DCDC1: variants seen among roughly 807,000 people sequenced by gnomAD.
DCDC1 encodes doublecortin domain containing 1.
In DCDC1, 200 loss-of-function variants were observed where a neutral mutation model predicts 178.3. The ratio of observed to expected loss-of-function variants is 1.12; its 90% CI spans 1.00 to 1.26. The LOEUF (loss-of-function observed/expected upper bound fraction) is 1.26, where lower values mean the gene tolerates loss of function less well. DCDC1 is among the 50% of genes most tolerant of loss of function. The pLI is 0.00. For synonymous variants in DCDC1, 690 were observed against 604.8 expected (o/e 1.14, Z -2.07); for missense variants, 1,983 against 1,749.2 (o/e 1.13, Z -2.38).
rs1254212107 is a variant in DCDC1, at chr11:30,888,098, A to AAG, written c.5082+4719_5082+4720insCT. Among the ~76,000 whole-genome samples the AAG allele has an allele frequency of 3.7e-3, 386 of 105,392 alleles. 1 individual carries two copies. Among genetic ancestry groups the AAG allele is most frequent in the African/African-American group, 8.7e-3 (234 of 26,854 alleles). The allele number at this position is 105,392 out of a possible 152,430, so 69.1% of individuals were successfully genotyped here. On this transcript the variant is annotated intron_variant, in intron 36 of 38. Transcript: ENST00000684477. ...AGAGAGAGAGAGAAAGAAAGAAAGA[A>AAG]AAAGAAAGAAAGAAAGAAAGAAAGA... is the stretch of plus-strand genomic sequence containing the variant.
At chr11:30,974,763 C>A (rs1950008833) in intron 20 of DCDC1, among the ~76,000 whole-genome samples, 3 of 152,040 alleles carry the variant, frequency 2.0e-5, no homozygotes, top group Non-Finnish European at 4.4e-5. Flanking sequence ...GGCTTCACTG[C>A]CAAATTCTAC....
intron 13 of DCDC1, among the ~76,000 whole-genome samples, chr11:31,106,222 A>C (rs1409054583): frequency 6.6e-6 from 1 of 152,238 alleles, no homozygotes. Context: ...CTTTTGAGGA[A>C]TATAACTTTG....
chr11:31,350,719 A>T (rs558605386), intron 1 of DCDC1, among the ~76,000 whole-genome samples: 1 of 152,258 alleles, frequency 6.6e-6, no homozygotes, highest in East Asian at 1.9e-4. Context: ...TTAACAGGTA[A>T]TATGTGACAT....
At chr11:31,365,665 C>T (rs748369277) in intron 1 of DCDC1, among the ~76,000 whole-genome samples, 46 of 152,240 alleles carry the variant, frequency 3.0e-4, no homozygotes, top group Middle Eastern at 3.4e-3. Flanking sequence ...GATTTAATAA[C>T]AATGTCATTT....
At chr11:31,171,078 T>C (rs1420388855) in intron 9 of DCDC1, among the ~76,000 whole-genome samples, 1 of 152,118 alleles carries the variant, frequency 6.6e-6, no homozygotes, top group South Asian at 2.1e-4. Context: ...TCCGCCCCCC[T>C]TGGCCTCCCA....
At chr11:31,174,763 G>A (rs1244394577) in intron 9 of DCDC1, among the ~76,000 whole-genome samples, 1 of 152,120 alleles carries the variant, frequency 6.6e-6, no homozygotes, top group Non-Finnish European at 1.5e-5. Context: ...GTGGAGAGGA[G>A]CTACCCACTC....
At chr11:30,972,698 C>T (rs528451188) in intron 20 of DCDC1, among the ~76,000 whole-genome samples, 4 of 152,276 alleles carry the variant, frequency 2.6e-5, no homozygotes, top group Non-Finnish European at 5.9e-5. Context: ...AATAAGTCCT[C>T]ACATCATAAC....
chr11:31,353,071 T>C (rs112279212), intron 1 of DCDC1, among the ~76,000 whole-genome samples: 1,959 of 152,340 alleles, frequency 0.013, 22 homozygotes, highest in Middle Eastern at 0.092. Context: ...CAAACATATA[T>C]GCTGAATATA....
intron 15 of DCDC1, among the ~76,000 whole-genome samples, chr11:31,100,443 A>G (rs1341967648): frequency 6.6e-6 from 1 of 152,204 alleles, no homozygotes; most frequent in East Asian, 1.9e-4. Flanking sequence ...CACAAACTCA[A>G]CAACAATTTT....
chr11:30,889,678 T>C (rs1245227695), intron 36 of DCDC1, among the ~76,000 whole-genome samples: 2 of 152,116 alleles, frequency 1.3e-5, no homozygotes, highest in Non-Finnish European at 2.9e-5. Context: ...AAGACAAAAA[T>C]ACACAGCATG....
chr11:31,110,761 T>G (rs1259066743), intron 11 of DCDC1, among the ~76,000 whole-genome samples: 1 of 152,016 alleles, frequency 6.6e-6, no homozygotes, highest in East Asian at 1.9e-4. Flanking sequence ...TTGTTCTTCA[T>G]AAAGCCACAA....
At chr11:31,210,597 G>A (rs1972394597) in intron 9 of DCDC1, among the ~76,000 whole-genome samples, 1 of 151,834 alleles carries the variant, frequency 6.6e-6, no homozygotes, top group South Asian at 2.1e-4. Flanking sequence ...TGTAATCCCA[G>A]CTACTCAGGA....
chr11:31,137,191 C>T lies in DCDC1; in HGVS notation c.1314+501G>A, dbSNP rs147747523. ...TCAGAAAATTATATTTTGATTTATTCTTTCAAGTATACAATTACTTTTCAT... is the reference window on the plus strand; with the variant it reads ...TCAGAAAATTATATTTTGATTTATTTTTTCAAGTATACAATTACTTTTCAT... On this transcript the variant is annotated intron_variant, in intron 10 of 38. Coordinates refer to ENST00000684477, the MANE Select transcript of DCDC1 (RefSeq NM_001387274.1). 6.0e-3 allele frequency among the ~76,000 whole-genome samples: 909 copies of T among 152,042 alleles called. 7 individuals are homozygous for T. Among genetic ancestry groups the T allele is most frequent in the African/African-American group, 0.021 (868 of 41,490 alleles).
chr11:30,892,784 G>C, intron 36 of DCDC1, 34 bp downstream of exon 36: 1 of 1,611,304 alleles, frequency 6.2e-7, no homozygotes, highest in Non-Finnish European at 8.5e-7. Flanking sequence ...TTCAAACTCA[G>C]GCCTATGAAA....
At chr11:31,244,407 CTTA>C (rs1277778463) in intron 8 of DCDC1, among the ~76,000 whole-genome samples, 1 of 151,524 alleles carries the variant, frequency 6.6e-6, no homozygotes, top group Non-Finnish European at 1.5e-5. Flanking sequence ...CTCTTTTTCC[CTTA>C]TTATTTTTGT....
intron 5 of DCDC1, 100 bp from the exon 6 acceptor site, chr11:31,305,877 T>C: frequency 7.5e-7 from 1 of 1,339,950 alleles, no homozygotes; most frequent in Non-Finnish European, 1.0e-6. Flanking sequence ...AGAAACCCAA[T>C]TGAGTCACTT....
chr11:31,148,210 T>TTAA (rs1206680133), intron 9 of DCDC1, among the ~76,000 whole-genome samples: 15 of 95,676 alleles, frequency 1.6e-4, no homozygotes, highest in African/African-American at 5.9e-4. Context: ...TTTATTATTA[T>TTAA]AAAAAAAAAA....
chr11:31,250,637 T>C (rs1179371204), intron 8 of DCDC1, among the ~76,000 whole-genome samples: 2 of 151,658 alleles, frequency 1.3e-5, no homozygotes, highest in South Asian at 2.1e-4. Context: ...GGAGCAGTGC[T>C]AGATGTACAA....
At chr11:31,292,794 A>G (rs1947330441) in intron 6 of DCDC1, among the ~76,000 whole-genome samples, 1 of 152,148 alleles carries the variant, frequency 6.6e-6, no homozygotes, top group Non-Finnish European at 1.5e-5. Context: ...GAAGAAAAAA[A>G]GAAGAGGAGG....
Sources: allele counts gnomAD v4.1 joint callset (sites outside exome capture counted in the v4.1 genomes callset), GRCh38; gene constraint gnomAD v4.1.1; transcripts MANE v1.5; gene names NCBI Gene and HGNC (gene_info 2026-07-23, HGNC 2026-07-21).